Variants in NCS1 observed in about 807,000 individuals in gnomAD.
NCS1 encodes the protein neuronal calcium sensor 1, also known as frequenin homolog.
NCS1 carries 6 observed loss-of-function variants against 28.4 expected under a neutral mutation model. That is an observed-to-expected ratio of 0.21 (90% CI 0.12 to 0.42). The LOEUF is 0.42. Among genes scored for constraint, NCS1 ranks in the 10% least tolerant of loss-of-function variants. The probability of loss-of-function intolerance (pLI) is 1.00; values close to 1 mark genes in which losing one functional copy is unlikely to be tolerated. For missense variants in NCS1, 131 were observed against 241.4 expected (o/e 0.54, Z 3.03); for synonymous variants, 86 against 99.3 (o/e 0.87, Z 0.79).
At chr9:130,184,859 C>T (rs1225448111) in intron 1 of NCS1, among the ~76,000 whole-genome samples, 2 of 151,506 alleles carry the variant, frequency 1.3e-5, no homozygotes, top group African/African-American at 2.4e-5. Flanking sequence ...GTCTTGATTT[C>T]CTGACCTTGA....
intron 1 of NCS1, among the ~76,000 whole-genome samples, chr9:130,178,140 C>T (rs1453083722): frequency 1.3e-5 from 2 of 152,184 alleles, no homozygotes; most frequent in Non-Finnish European, 2.9e-5. Flanking sequence ...GTTGGGATTA[C>T]AGGCATGAGC....
At chr9:130,204,482 T>C (rs1370387836) in intron 2 of NCS1, among the ~76,000 whole-genome samples, 1 of 151,874 alleles carries the variant, frequency 6.6e-6, no homozygotes, top group African/African-American at 2.4e-5. Flanking sequence ...ACTGTAGAGC[T>C]GGGGCCTCAC....
chr9:130,182,473 G>A (rs556955978), intron 1 of NCS1, among the ~76,000 whole-genome samples: 3 of 152,324 alleles, frequency 2.0e-5, no homozygotes, highest in East Asian at 1.9e-4. Context: ...GATCCTTCCC[G>A]CTGGTTCCAG....
chr9:130,201,146 G>A (rs1236762823), intron 2 of NCS1, among the ~76,000 whole-genome samples, 164 bp downstream of exon 2: 4 of 152,100 alleles, frequency 2.6e-5, no homozygotes, highest in African/African-American at 7.2e-5. Flanking sequence ...TTGTCCTTGC[G>A]GGACTGACGT....
chr9:130,176,561 G>C (rs1385723548), intron 1 of NCS1, among the ~76,000 whole-genome samples: 5 of 152,132 alleles, frequency 3.3e-5, no homozygotes, highest in Admixed American at 2.6e-4. Context: ...TGTATTTTGT[G>C]GGCAAATTTC....
rs1833421405 is a variant in NCS1 at position 130,226,734 on chromosome 9, G to A, written c.*17+230G>A. On this transcript the variant is annotated intron_variant, in intron 7 of 7. Coordinates refer to ENST00000372398, the MANE Select transcript of NCS1 (RefSeq NM_014286.4). The surrounding 1 kb of genome is among the most constrained non-coding windows in gnomAD (Gnocchi z 4.8). The stretch of plus-strand genomic sequence containing the variant: ...CCCAGATCAGCCTGCGAGTTTGCTT[G>A]AACAGAATTTTTCTGGGCGCGGTGG... Among the ~76,000 whole-genome samples, 1 of 152,068 alleles carries A rather than the reference G, an allele frequency of 6.6e-6. No homozygotes were observed. Among genetic ancestry groups the A allele is most frequent in the African/African-American group, 2.4e-5 (1 of 41,430 alleles).
Position 130,175,659 on chromosome 9 carries a change from C to T in NCS1, c.64+2932C>T, listed in dbSNP as rs1554904526. Among the ~76,000 whole-genome samples the T allele has an allele frequency of 6.6e-6, 1 of 152,148 alleles. No homozygotes were observed. Among genetic ancestry groups the T allele is most frequent in the Non-Finnish European group, 1.5e-5 (1 of 68,020 alleles). ...GCTGGGCAGTGTCCTTGGTGGGCGT[C>T]TCTGGCTCTGTCTGTGGTGGTCTGT... On this transcript the variant is annotated intron_variant, in intron 1 of 7. Coordinates refer to ENST00000372398, the MANE Select transcript of NCS1 (RefSeq NM_014286.4). The surrounding 1 kb of genome is among the most constrained non-coding windows in gnomAD (Gnocchi z 4.9).
intron 2 of NCS1, among the ~76,000 whole-genome samples, chr9:130,204,789 C>G (rs1224717652): frequency 6.6e-6 from 1 of 152,192 alleles, no homozygotes; most frequent in Non-Finnish European, 1.5e-5. Flanking sequence ...CTGCTGGTGT[C>G]AGTAACCGTA....
chr9:130,222,617 C>G, intron 4 of NCS1, 33 bp from the exon 5 acceptor site: 1 of 1,603,790 alleles, frequency 6.2e-7, no homozygotes. Flanking sequence ...CTGCCCCAGC[C>G]CAGGATCACT....
chr9:130,222,466 C>G (rs190449143), intron 4 of NCS1, among the ~76,000 whole-genome samples, 184 bp from the exon 5 acceptor site: 195 of 151,962 alleles, frequency 1.3e-3, no homozygotes, highest in Non-Finnish European at 2.1e-3. Context: ...TTTTTTTTAA[C>G]CCTAGTTGCA....
intron 6 of NCS1, among the ~76,000 whole-genome samples, 188 bp downstream of exon 6, chr9:130,223,347 C>T (rs782112840): frequency 6.6e-5 from 10 of 152,048 alleles, no homozygotes; most frequent in Non-Finnish European, 1.3e-4. Flanking sequence ...AGTCAGTTTG[C>T]TCAGCATGTT....
intron 1 of NCS1, chr9:130,200,403 C>G: frequency 4.7e-6 from 3 of 633,804 alleles, no homozygotes; most frequent in Admixed American, 2.8e-5. Context: ...CGGCTCTGTT[C>G]ATGTCTTGCC....
chr9:130,187,290 C>T (rs544165666), intron 1 of NCS1, among the ~76,000 whole-genome samples: 4 of 152,148 alleles, frequency 2.6e-5, no homozygotes, highest in African/African-American at 7.2e-5. Flanking sequence ...TGTGCCCCGT[C>T]GCTGCCATCC....
intron 1 of NCS1, among the ~76,000 whole-genome samples, chr9:130,185,803 C>T (rs1832730073): frequency 6.6e-6 from 1 of 152,264 alleles, no homozygotes; most frequent in Non-Finnish European, 1.5e-5. Flanking sequence ...AGTGGCCCCA[C>T]CACCCCCTGC....
Position 130,232,074 on chromosome 9 carries a change from G to A in NCS1, c.*18-916G>A, listed in dbSNP as rs367824415. On this transcript the variant is annotated intron_variant, in intron 7 of 7. Transcript: ENST00000372398. The surrounding 1 kb of genome is among the most constrained non-coding windows in gnomAD (Gnocchi z 4.4). ...TCATTCTCCTGTCTGAGCCTCCCAA[G>A]CAGCTGGAATTATAGGTGTGCGCAG... Among the ~76,000 whole-genome samples, 2 of 152,192 alleles carry A rather than the reference G, an allele frequency of 1.3e-5. No homozygotes were observed. Among genetic ancestry groups the A allele is most frequent in the African/African-American group, 4.8e-5 (2 of 41,522 alleles).
At chr9:130,222,241 G>T (rs1049658986) in intron 4 of NCS1, among the ~76,000 whole-genome samples, 1 of 150,790 alleles carries the variant, frequency 6.6e-6, no homozygotes, top group Non-Finnish European at 1.5e-5. Flanking sequence ...TGCAAACTTC[G>T]CCTCCTGGGC....
chr9:130,204,395 C>T (rs2131138588), intron 2 of NCS1, among the ~76,000 whole-genome samples: 1 of 152,214 alleles, frequency 6.6e-6, no homozygotes. Flanking sequence ...CTCAAGTGAT[C>T]CTCCTGACTC....
At chr9:130,189,810 C>T (rs1413870115) in intron 1 of NCS1, among the ~76,000 whole-genome samples, 1 of 138,944 alleles carries the variant, frequency 7.2e-6, no homozygotes, top group Admixed American at 7.9e-5. Context: ...TGAGATTGTG[C>T]CACTGCACTC....
chr9:130,210,558 G>A (rs769748480), intron 2 of NCS1, among the ~76,000 whole-genome samples: 2 of 152,084 alleles, frequency 1.3e-5, no homozygotes, highest in Non-Finnish European at 2.9e-5. Flanking sequence ...TGTGGAGGTC[G>A]TAGATCAGGG....
Sources: allele counts gnomAD v4.1 joint callset (sites outside exome capture counted in the v4.1 genomes callset), GRCh38; gene constraint gnomAD v4.1.1; non-coding constraint Gnocchi (gnomAD v3.1); transcripts MANE v1.5; gene names NCBI Gene and HGNC (gene_info 2026-07-23, HGNC 2026-07-21).